The following KLRG1 variants were observed in gnomAD, a reference collection of about 807,000 sequenced individuals.
KLRG1 encodes killer cell lectin-like receptor subfamily G member 1.
In KLRG1, 16 loss-of-function variants were observed where a neutral mutation model predicts 21.8. The observed-to-expected ratio is 0.73, with a 90% confidence interval of 0.50 to 1.11. The LOEUF is 1.11. Ranked by LOEUF, KLRG1 falls within the 50% of genes most tolerant of loss-of-function variation. KLRG1 has a pLI of 0.00. For missense variants in KLRG1, 173 were observed against 218.3 expected (o/e 0.79, Z 1.31); for synonymous variants, 69 against 75.9 (o/e 0.91, Z 0.47).
At chr12:9,078,016 T>C in the KLRG1 span, among the ~76,000 whole-genome samples, 2 of 152,240 alleles carry the variant, frequency 1.3e-5, no homozygotes, top group African/African-American at 4.8e-5. Flanking sequence ...CTGATTAATC[T>C]GCTAGATGTA....
At chr12:9,019,340 C>T in the KLRG1 span, among the ~76,000 whole-genome samples, 1 of 152,236 alleles carries the variant, frequency 6.6e-6, no homozygotes, top group African/African-American at 2.4e-5. Context: ...TTAATACAAC[C>T]ACTGTGGACA....
At chr12:9,180,888 C>T in the KLRG1 span, 100 of 1,373,598 alleles carry the variant, frequency 7.3e-5, 1 homozygote, top group South Asian at 1.9e-4. Context: ...AGAAAATTTT[C>T]GCAACCTACT....
chr12:9,054,605 T>C, the KLRG1 span, among the ~76,000 whole-genome samples: 2,446 of 152,314 alleles, frequency 0.016, 66 homozygotes, highest in African/African-American at 0.056. Context: ...ATTCTAGTTA[T>C]TTTTAAATGG....
the KLRG1 span, among the ~76,000 whole-genome samples, chr12:9,188,271 A>T: frequency 4.6e-5 from 7 of 152,190 alleles, no homozygotes; most frequent in Admixed American, 4.6e-4. Flanking sequence ...CCAATGACAA[A>T]AATACGATTA....
At chr12:9,148,508 A>G in the KLRG1 span, among the ~76,000 whole-genome samples, 5 of 152,008 alleles carry the variant, frequency 3.3e-5, no homozygotes, top group African/African-American at 9.7e-5. Flanking sequence ...ATGCACTTTA[A>G]TTATCAATTC....
At chr12:9,166,487 G>T in the KLRG1 span, among the ~76,000 whole-genome samples, 16 of 152,286 alleles carry the variant, frequency 1.1e-4, no homozygotes, top group East Asian at 2.1e-3. Context: ...GGGTTTTGTG[G>T]CGAAGGACCA....
the KLRG1 span, among the ~76,000 whole-genome samples, chr12:9,198,639 CAT>C: frequency 6.6e-6 from 1 of 152,122 alleles, no homozygotes; most frequent in African/African-American, 2.4e-5. Context: ...TGTGTGTGCA[CAT>C]GTTATATTAG....
At chr12:9,063,959 GA>G in the KLRG1 span, among the ~76,000 whole-genome samples, 1 of 152,158 alleles carries the variant, frequency 6.6e-6, no homozygotes, top group South Asian at 2.1e-4. Context: ...TATGAACAAA[GA>G]AAAAAACTAG....
the KLRG1 span, among the ~76,000 whole-genome samples, chr12:9,150,118 T>C: frequency 2.6e-5 from 4 of 152,334 alleles, no homozygotes; most frequent in African/African-American, 7.2e-5. Context: ...TTGTCACTAA[T>C]AGTCTTTCCT....
At chr12:9,012,612 A>G (rs1038200413), downstream of KLRG1, among the ~76,000 whole-genome samples, 2 of 151,750 alleles carry the variant, frequency 1.3e-5, no homozygotes, top group African/African-American at 4.8e-5. Flanking sequence ...GAGTTTGGAC[A>G]TAGATAAGGA....
chr12:9,162,370 A>G, the KLRG1 span: 1 of 486,724 alleles, frequency 2.1e-6, no homozygotes, highest in East Asian at 3.6e-5. Context: ...GTATGAACCA[A>G]GAAAGCCCAG....
chr12:9,126,206 G>A, the KLRG1 span, among the ~76,000 whole-genome samples: 3 of 152,184 alleles, frequency 2.0e-5, no homozygotes, highest in Non-Finnish European at 4.4e-5. Context: ...ATTTAATATT[G>A]TACTAGTTTC....
At chr12:9,112,296 A>T in the KLRG1 span, 1 of 1,604,622 alleles carries the variant, frequency 6.2e-7, no homozygotes, top group Non-Finnish European at 8.5e-7. Flanking sequence ...AACCAAGATT[A>T]TAGGAACTTT....
chr12:9,150,779 A>G, the KLRG1 span: 1 of 1,374,114 alleles, frequency 7.3e-7, no homozygotes, highest in Non-Finnish European at 1.0e-6. Context: ...TCAAGAACCT[A>G]GAAAACCTCC....
At chr12:9,144,542 GA>G in the KLRG1 span, among the ~76,000 whole-genome samples, 1 of 151,980 alleles carries the variant, frequency 6.6e-6, no homozygotes, top group East Asian at 1.9e-4. Context: ...AAAGAGGAAA[GA>G]AACACGATTA....
At chr12:9,100,072 G>A in the KLRG1 span, among the ~76,000 whole-genome samples, 1 of 152,162 alleles carries the variant, frequency 6.6e-6, no homozygotes, top group African/African-American at 2.4e-5. Context: ...TTTCTAGCAA[G>A]TTATCTTTTA....
chr12:9,160,414 C>G, the KLRG1 span: 4 of 1,613,974 alleles, frequency 2.5e-6, no homozygotes, highest in Non-Finnish European at 3.4e-6. Flanking sequence ...CAAATAGGAC[C>G]ATGTTCTGTT....
chr12:8,966,812 T>G (rs1244314226), intron 1 of KLRG1, among the ~76,000 whole-genome samples: 1 of 146,732 alleles, frequency 6.8e-6, no homozygotes, highest in African/African-American at 2.5e-5. Flanking sequence ...AAATACCATT[T>G]GACCCAGCCA....
the KLRG1 span, chr12:9,163,693 G>T: frequency 1.2e-6 from 2 of 1,613,872 alleles, no homozygotes; most frequent in Non-Finnish European, 1.7e-6. Flanking sequence ...TTTGATGACT[G>T]TGTCTTTTCT....
Sources: allele counts gnomAD v4.1 joint callset (sites outside exome capture counted in the v4.1 genomes callset), GRCh38; gene constraint gnomAD v4.1.1; transcripts MANE v1.5; gene names NCBI Gene and HGNC (gene_info 2026-07-23, HGNC 2026-07-21).